The following PSMG2 variants were observed in gnomAD, a reference collection of about 807,000 sequenced individuals.
The protein encoded by PSMG2 is proteasome assembly chaperone 2.
A neutral mutation model predicts 31.5 loss-of-function variants in PSMG2; 21 were observed. The observed-to-expected ratio is 0.67, with a 90% CI of 0.47 to 0.96. The LOEUF is 0.96. Among genes scored for constraint, PSMG2 ranks in the 40% least tolerant of loss-of-function variants. The probability of loss-of-function intolerance (pLI) is 0.00; values close to 1 mark genes in which losing one functional copy is unlikely to be tolerated. For synonymous variants in PSMG2, 120 were observed against 110.4 expected (o/e 1.09, Z -0.54); for missense variants, 318 against 321.2 (o/e 0.99, Z 0.08).
At chr18:12,689,685 A>T (rs1193257241) in intron 1 of PSMG2, among the ~76,000 whole-genome samples, 3 of 152,068 alleles carry the variant, frequency 2.0e-5, no homozygotes, top group Non-Finnish European at 4.4e-5. Flanking sequence ...GCCTCACTCC[A>T]TCCTGAGTCC....
At chr18:12,700,856 G>T, upstream of PSMG2, 2 of 875,334 alleles carry the variant, frequency 2.3e-6, no homozygotes, top group Non-Finnish European at 3.5e-6. Flanking sequence ...CCTTGAAGTG[G>T]TTTTACTAAA....
At chr18:12,713,579 G>T (rs1181957087) in intron 3 of PSMG2, among the ~76,000 whole-genome samples, 1 of 152,134 alleles carries the variant, frequency 6.6e-6, no homozygotes, top group East Asian at 1.9e-4. Flanking sequence ...GCCAATTCAG[G>T]GGAATGAGTA....
upstream of PSMG2, chr18:12,701,045 T>C (rs768456079): frequency 5.0e-6 from 8 of 1,613,808 alleles, no homozygotes; most frequent in Non-Finnish European, 6.8e-6. Flanking sequence ...ATAAATGCTG[T>C]TGATCAGGTG....
chr18:12,701,534 G>A (rs2040148865), upstream of PSMG2, among the ~76,000 whole-genome samples: 1 of 152,182 alleles, frequency 6.6e-6, no homozygotes, highest in South Asian at 2.1e-4. Context: ...TTTCGTCACC[G>A]ATAAGAATGG....
chr18:12,702,268 C>G (rs544998116), upstream of PSMG2, among the ~76,000 whole-genome samples: 4 of 152,364 alleles, frequency 2.6e-5, no homozygotes, highest in African/African-American at 9.6e-5. Context: ...TTCTATCGCC[C>G]CAGACTCTTG....
At chr18:12,704,454 G>T (rs1335878206) in intron 1 of PSMG2, among the ~76,000 whole-genome samples, 1 of 151,970 alleles carries the variant, frequency 6.6e-6, no homozygotes, top group African/African-American at 2.4e-5. Context: ...GCCAGGTGTG[G>T]TTTCCTGCAC....
In PSMG2 at chr18:12,703,175, A is replaced by T; in HGVS notation, c.57+11A>T. The T allele has an allele frequency of 6.2e-7, 1 of 1,605,286 alleles. No individual in the cohort carries two copies. Among genetic ancestry groups the T allele is most frequent in the South Asian group, 1.1e-5 (1 of 89,456 alleles). On this transcript the variant is annotated intron_variant, in intron 1 of 6. Coordinates refer to ENST00000317615, the MANE Select transcript of PSMG2 (RefSeq NM_020232.5). ...TTCACCCTCCTAATGGTGAGTCTCC[A>T]TTTGCGCTCGGGGCTGCCGCCTCCC...
intron 3 of PSMG2, among the ~76,000 whole-genome samples, chr18:12,713,533 C>G (rs1459371185): frequency 6.6e-6 from 1 of 152,148 alleles, no homozygotes; most frequent in African/African-American, 2.4e-5. Flanking sequence ...TGGGCATGCA[C>G]AGTTATCTCC....
intron 4 of PSMG2, among the ~76,000 whole-genome samples, chr18:12,719,929 C>G (rs528420036): frequency 1.6e-3 from 244 of 151,960 alleles, no homozygotes; most frequent in Non-Finnish European, 2.6e-3. Flanking sequence ...ATTGGCCAGG[C>G]TGGTCTCGAA....
rs2039743916 is a variant in PSMG2 at position 12,691,124 on chromosome 18, G to A, written c.-36-15426G>A. Reference sequence around the variant, plus strand: ...AAACACAATAATTGATTCAACCTGAGAAAGGTGATTTTTCAAAAACCCACA... The same window carrying A: ...AAACACAATAATTGATTCAACCTGAAAAAGGTGATTTTTCAAAAACCCACA... On this transcript the variant is annotated intron_variant, in intron 1 of 6. Coordinates refer to the PSMG2 transcript ENST00000585331. 3 of 374,380 alleles carry A rather than the reference G, an allele frequency of 8.0e-6. No individual in the cohort carries two copies. The South Asian group carries it at 2.5e-4, about 32-fold the overall frequency. The allele number at this position is 374,380 out of a possible 1,614,324, so 23.2% of individuals were successfully genotyped here.
Position 12,712,748 on chromosome 18 carries a change from CATTTTT to C in PSMG2, c.280_285del (p.Phe94_Ile95del). On this transcript the variant is annotated inframe_deletion, in exon 3 of 7. Coordinates refer to ENST00000317615, the MANE Select transcript of PSMG2 (RefSeq NM_020232.5). ...AGCTGGTGGCTCTACAGTTAAGATC[CATTTTT>C]ATTAAGGTTAGTATGTTGTAGTTTG... 6.2e-7 allele frequency: 1 copy of C among 1,604,844 alleles called. No individual in the cohort carries two copies. The highest frequency in any genetic ancestry group is 1.9e-4 in the Middle Eastern group (1 of 5,356).
intron 1 of PSMG2, chr18:12,686,083 AT>A (rs1171366343): frequency 2.0e-6 from 1 of 488,668 alleles, no homozygotes; most frequent in Non-Finnish European, 3.6e-6. Flanking sequence ...TATTATTGTA[AT>A]TTTTTACTTT....
intron 2 of PSMG2, 131 bp downstream of exon 2, chr18:12,706,852 A>T (rs2040273898): frequency 1.1e-6 from 1 of 892,690 alleles, no homozygotes; most frequent in African/African-American, 1.7e-5. Context: ...TTCACAACCC[A>T]ATCACATTGT....
rs771255279 is a variant in PSMG2, at chr18:12,695,282, G to A, written c.-36-11268G>A. The A allele has an allele frequency of 3.4e-5, 53 of 1,557,112 alleles. No homozygotes were observed. Among genetic ancestry groups the A allele is most frequent in the East Asian group, 2.7e-4 (12 of 44,266 alleles). On this transcript the variant is annotated intron_variant, in intron 1 of 6. Transcript: ENST00000585331. ...TGTGTTCACTACTTCTTGAGATAAC[G>A]TTTGATTGAGTGGTGGATACATTTC... is the stretch of plus-strand genomic sequence containing the variant.
rs1296051281 is a variant in PSMG2 at position 12,703,072 on chromosome 18, C to T, written c.-36C>T. Reference sequence around the variant, plus strand: ...CTTGCTGCCCTCGTTCTTGCCAGGGCCGCGGTTAGTCCCTGCTGGCCACCC... The same window carrying T: ...CTTGCTGCCCTCGTTCTTGCCAGGGTCGCGGTTAGTCCCTGCTGGCCACCC... On this transcript the variant is annotated 5_prime_UTR_variant, in exon 1 of 7. Transcript: ENST00000317615. 2 of 1,605,114 alleles carry T rather than the reference C, an allele frequency of 1.2e-6. No individual in the cohort carries two copies. The highest frequency in any genetic ancestry group is 1.7e-6 in the Non-Finnish European group (2 of 1,176,190).
chr18:12,667,627 G>A (rs1364077140), intron 1 of PSMG2, among the ~76,000 whole-genome samples: 1 of 151,820 alleles, frequency 6.6e-6, no homozygotes, highest in East Asian at 1.9e-4. Flanking sequence ...CGGGCGTGGT[G>A]GCACGTGCCT....
intron 1 of PSMG2, chr18:12,673,302 AG>A: frequency 6.5e-7 from 1 of 1,533,970 alleles, no homozygotes; most frequent in Non-Finnish European, 8.7e-7. Flanking sequence ...TAAATAGCTA[AG>A]TAATGTACAA....
chr18:12,696,502 A>AAAT (rs35130356), intron 1 of PSMG2, among the ~76,000 whole-genome samples: 4,880 of 151,320 alleles, frequency 0.032, 274 homozygotes, highest in African/African-American at 0.11. Context: ...ACTCCATCTC[A>AAAT]AATAATAATA....
chr18:12,700,173 A>G (rs2040103266), upstream of PSMG2: 1 of 243,372 alleles, frequency 4.1e-6, no homozygotes, highest in Non-Finnish European at 7.8e-6. Flanking sequence ...CAAATCCTTA[A>G]TACCTTCAAC....
Sources: gnomAD v4.1 joint callset for allele counts (sites outside exome capture counted in the v4.1 genomes callset) on GRCh38, gnomAD v4.1.1 for gene constraint, MANE v1.5 for transcripts, NCBI Gene and HGNC (gene_info 2026-07-23, HGNC 2026-07-21) for gene names.